The following ACKR2 variants were observed in gnomAD, a reference collection of about 807,000 sequenced individuals.
ACKR2 encodes the protein C-C chemokine receptor D6.
For missense variants in ACKR2, 457 were observed against 477.3 expected (o/e 0.96, Z 0.40); for synonymous variants, 207 against 192.2 (o/e 1.08, Z -0.64).
intron 2 of ACKR2, among the ~76,000 whole-genome samples, chr3:42,821,800 C>T (rs1700811941): frequency 6.6e-6 from 1 of 151,932 alleles, no homozygotes; most frequent in African/African-American, 2.4e-5. Flanking sequence ...GGGTTCACGC[C>T]ATTCTCCTGC....
At chr3:42,854,504 C>T (rs1054259698) in intron 2 of ACKR2, among the ~76,000 whole-genome samples, 1 of 152,094 alleles carries the variant, frequency 6.6e-6, no homozygotes, top group Non-Finnish European at 1.5e-5. Context: ...GGGAAGGGGT[C>T]GTCACTTCCA....
At chr3:42,817,135 A>G (rs1559683191) in intron 1 of ACKR2, among the ~76,000 whole-genome samples, 1 of 152,184 alleles carries the variant, frequency 6.6e-6, no homozygotes, top group African/African-American at 2.4e-5. Flanking sequence ...GTGACCATAC[A>G]TAAGGCACCA....
intron 2 of ACKR2, chr3:42,836,023 T>C (rs1700985041): frequency 6.6e-6 from 1 of 152,144 alleles, no homozygotes; most frequent in Admixed American, 6.6e-5. Context: ...ATGCTTATTC[T>C]CTGGGTAGTC....
rs370882386 is a variant in ACKR2 at position 42,826,247 on chromosome 3, G to A, written c.-38+6536G>A. ...CTTGTGATGTCTTTGTTGGGTTTTT[G>A]TATCAGAGTAATACTGGACTCATAG... On this transcript the variant is annotated intron_variant, in intron 2 of 2. Transcript: ENST00000422265. Among the ~76,000 whole-genome samples the A allele has an allele frequency of 2.8e-4, 42 of 152,160 alleles. No homozygotes were observed. In the South Asian group the frequency reaches 3.3e-3, roughly 12 times the overall value.
chr3:42,859,250 GA>G (rs1265170770), intron 2 of ACKR2, among the ~76,000 whole-genome samples: 8 of 152,128 alleles, frequency 5.3e-5, no homozygotes, highest in Non-Finnish European at 1.2e-4. Flanking sequence ...TGAAATGAAG[GA>G]AAAAATGTTA....
At chr3:42,827,572 T>C (rs531320629) in intron 2 of ACKR2, among the ~76,000 whole-genome samples, 1 of 152,268 alleles carries the variant, frequency 6.6e-6, no homozygotes, top group Admixed American at 6.5e-5. Flanking sequence ...AGCCATAAAC[T>C]ACCTACAATG....
chr3:42,828,414 T>G (rs1700895221), intron 2 of ACKR2, among the ~76,000 whole-genome samples: 2 of 152,106 alleles, frequency 1.3e-5, no homozygotes, highest in African/African-American at 4.8e-5. Context: ...CCTGGCCAGC[T>G]TGCATTATAT....
intron 2 of ACKR2, among the ~76,000 whole-genome samples, chr3:42,821,886 C>T (rs200476379): frequency 1.3e-5 from 2 of 151,736 alleles, no homozygotes; most frequent in Admixed American, 6.6e-5. Context: ...TTAGTAGAGA[C>T]GGGGTTTCAC....
chr3:42,848,438 GA>G (rs1701120680), intron 2 of ACKR2, among the ~76,000 whole-genome samples: 1 of 151,796 alleles, frequency 6.6e-6, no homozygotes, highest in African/African-American at 2.4e-5. Context: ...GGCTAGTCTC[GA>G]ACTCTGAGAC....
rs2088321222 is a variant in ACKR2, at chr3:42,856,309, C to G, written c.-37-8157C>G. 8.6e-6 allele frequency: 6 copies of G among 695,148 alleles called. No individual in the cohort carries two copies. In the East Asian group the frequency reaches 1.6e-4, roughly 19 times the overall value. 43.1% of individuals were successfully genotyped at this position (695,148 alleles called of 1,614,324 possible). ...GGTCCAGATGCCATCGGATAGGAGC[C>G]CAAGGGTGGGGCAGAAGCTCACAGA... On this transcript the variant is annotated intron_variant, in intron 2 of 2. Coordinates refer to ENST00000422265, the MANE Select transcript of ACKR2 (RefSeq NM_001296.5).
chr3:42,850,009 T>C (rs1424785735), intron 2 of ACKR2, among the ~76,000 whole-genome samples: 1 of 152,082 alleles, frequency 6.6e-6, no homozygotes, highest in Admixed American at 6.6e-5. Flanking sequence ...ATTTTGCAAG[T>C]CTAAAAATTA....
In ACKR2 at chr3:42,855,206, C is replaced by T. The variant is rs374770505; in HGVS notation, c.-37-9260C>T. On this transcript the variant is annotated intron_variant, in intron 2 of 2. Transcript: ENST00000422265. The stretch of plus-strand genomic sequence containing the variant: ...TCCTTTTTGTAACTGCTAGGTAGAG[C>T]AGAACAGAGGCTAAGGATGAGGTGG... 9.2e-5 allele frequency among the ~76,000 whole-genome samples: 14 copies of T among 152,138 alleles called. No homozygotes were observed. In the East Asian group the frequency reaches 1.2e-3, roughly 13 times the overall value.
intron 2 of ACKR2, among the ~76,000 whole-genome samples, chr3:42,823,576 A>G (rs1575376932): frequency 6.6e-6 from 1 of 152,220 alleles, no homozygotes; most frequent in Non-Finnish European, 1.5e-5. Context: ...CTCAGTAAGC[A>G]AGCAGAACTT....
At chr3:42,837,104 C>T (rs1228185921) in intron 2 of ACKR2, among the ~76,000 whole-genome samples, 2 of 152,112 alleles carry the variant, frequency 1.3e-5, no homozygotes, top group African/African-American at 2.4e-5. Context: ...ATCCAAGCCC[C>T]GAAGGCCTGA....
chr3:42,826,445 A>G (rs532580024), intron 2 of ACKR2, among the ~76,000 whole-genome samples: 2 of 152,140 alleles, frequency 1.3e-5, no homozygotes, highest in East Asian at 3.9e-4. Flanking sequence ...TTATAGGTCT[A>G]TTCAGATTTT....
Position 42,855,437 on chromosome 3 carries a change from CATT to C in ACKR2, c.-37-9028_-37-9026del, listed in dbSNP as rs558766542. On this transcript the variant is annotated intron_variant, in intron 2 of 2. Coordinates refer to ENST00000422265, the MANE Select transcript of ACKR2 (RefSeq NM_001296.5). ...ATATGGGAGTGCTGACTGCTGCTGT[CATT>C]GTTGGCATTATTGATGAAAGTGATA... 4.5e-3 allele frequency among the ~76,000 whole-genome samples: 684 copies of C among 152,268 alleles called. 6 individuals are homozygous for C. Among genetic ancestry groups the C allele is most frequent in the African/African-American group, 0.016 (660 of 41,542 alleles).
At chr3:42,825,487 C>A (rs190648552) in intron 2 of ACKR2, among the ~76,000 whole-genome samples, 23 of 151,656 alleles carry the variant, frequency 1.5e-4, no homozygotes, top group African/African-American at 4.8e-4. Context: ...TAATAGTTTT[C>A]TTAATTTCTT....
chr3:42,822,877 C>T (rs1700823475), intron 2 of ACKR2, among the ~76,000 whole-genome samples: 1 of 151,980 alleles, frequency 6.6e-6, no homozygotes, highest in Non-Finnish European at 1.5e-5. Context: ...CCAATCTGCC[C>T]CCCTTCCCCA....
Position 42,858,955 on chromosome 3 carries a change from G to A in ACKR2, c.-37-5511G>A, listed in dbSNP as rs534340951. Reference sequence around the variant, plus strand: ...TTGAAGATCAACTTAATGAAATAAAGTGTGAAGACACAATTAGAGAAAAAA... The same window carrying A: ...TTGAAGATCAACTTAATGAAATAAAATGTGAAGACACAATTAGAGAAAAAA... On this transcript the variant is annotated intron_variant, in intron 2 of 2. Transcript: ENST00000422265. Among the ~76,000 whole-genome samples, 85 of 152,038 alleles carry A rather than the reference G, an allele frequency of 5.6e-4. 2 individuals carry two copies. The highest frequency in any genetic ancestry group is 1.8e-3 in the African/African-American group (74 of 41,482).
Sources: allele counts gnomAD v4.1 joint callset (sites outside exome capture counted in the v4.1 genomes callset), GRCh38; gene constraint gnomAD v4.1.1; transcripts MANE v1.5; gene names NCBI Gene and HGNC (gene_info 2026-07-23, HGNC 2026-07-21).